The following CRPPA variants were observed in gnomAD, a reference collection of about 807,000 sequenced individuals.
CRPPA encodes CDP-L-ribitol pyrophosphorylase A, also known as D-ribitol-5-phosphate cytidylyltransferase.
In CRPPA, 43 loss-of-function variants were observed where a neutral mutation model predicts 52.0. The ratio of observed to expected loss-of-function variants is 0.83; its 90% CI spans 0.65 to 1.07. The LOEUF (loss-of-function observed/expected upper bound fraction) is 1.07, where lower values mean the gene tolerates loss of function less well. CRPPA is among the 50% of genes least tolerant of loss of function. The pLI is 0.00. For missense variants in CRPPA, 629 were observed against 551.7 expected (o/e 1.14, Z -1.40); for synonymous variants, 250 against 203.5 (o/e 1.23, Z -1.94).
At chr7:16,208,244 T>A (rs1369151715) in intron 9 of CRPPA, among the ~76,000 whole-genome samples, 1 of 152,158 alleles carries the variant, frequency 6.6e-6, no homozygotes, top group African/African-American at 2.4e-5. Flanking sequence ...GGTGAGGAAG[T>A]CTCACAAAAA....
intron 3 of CRPPA, among the ~76,000 whole-genome samples, chr7:16,338,540 A>C (rs1337262589): frequency 3.9e-5 from 6 of 151,958 alleles, no homozygotes; most frequent in Admixed American, 2.0e-4. Flanking sequence ...GCTAAGAAAA[A>C]AAGAGGGTAA....
At chr7:16,377,297 G>A (rs565275357) in intron 2 of CRPPA, among the ~76,000 whole-genome samples, 1 of 152,152 alleles carries the variant, frequency 6.6e-6, no homozygotes, top group African/African-American at 2.4e-5. Flanking sequence ...AGAGGAAGTA[G>A]TATCCAAATA....
At chr7:16,408,635 A>G (rs963912615) in intron 1 of CRPPA, among the ~76,000 whole-genome samples, 7 of 152,262 alleles carry the variant, frequency 4.6e-5, no homozygotes, top group Admixed American at 4.6e-4. Context: ...AGTTTTTGGT[A>G]AACATAATAA....
chr7:16,396,581 T>C (rs1023065862), intron 2 of CRPPA, among the ~76,000 whole-genome samples: 2 of 152,158 alleles, frequency 1.3e-5, no homozygotes, highest in Admixed American at 6.5e-5. Flanking sequence ...GGGTATCCAG[T>C]CTGAGGAAAA....
chr7:16,170,353 G>A lies in CRPPA; in HGVS notation c.1251+45713C>T, dbSNP rs11975621. Among the ~76,000 whole-genome samples the A allele has an allele frequency of 7.5e-3, 1,149 of 152,262 alleles. 19 individuals are homozygous for A. Among genetic ancestry groups the A allele is most frequent in the East Asian group, 0.024 (122 of 5,176 alleles). On this transcript the variant is annotated intron_variant, in intron 9 of 9. Transcript: ENST00000407010. ...TTCACTGACTTGCAAGAATTAAGCC[G>A]CAGACCCTCGCGGTGAGTGTTACAG...
At chr7:16,239,590 G>GAAAAAAA (rs1783052788) in intron 8 of CRPPA, among the ~76,000 whole-genome samples, 1 of 125,976 alleles carries the variant, frequency 7.9e-6, no homozygotes, top group African/African-American at 2.9e-5. Flanking sequence ...AAAAACTAGT[G>GAAAAAAA]AGAGAAGTTG....
At chr7:16,181,231 T>A (rs1490098157) in intron 9 of CRPPA, among the ~76,000 whole-genome samples, 1 of 151,956 alleles carries the variant, frequency 6.6e-6, no homozygotes, top group Non-Finnish European at 1.5e-5. Context: ...AATGTAATTA[T>A]TTTAAGAAAA....
At chr7:16,284,796 C>A (rs796199857) in intron 5 of CRPPA, among the ~76,000 whole-genome samples, 1 of 151,974 alleles carries the variant, frequency 6.6e-6, no homozygotes, top group Non-Finnish European at 1.5e-5. Context: ...AAGCATGCTG[C>A]ACTGACAATC....
At chr7:16,363,089 T>C (rs1786499932) in intron 3 of CRPPA, among the ~76,000 whole-genome samples, 1 of 152,138 alleles carries the variant, frequency 6.6e-6, no homozygotes, top group African/African-American at 2.4e-5. Flanking sequence ...GAAATTGAAA[T>C]GTTAATTATC....
At chr7:16,407,649 T>C (rs141696440) in intron 1 of CRPPA, among the ~76,000 whole-genome samples, 1 of 152,298 alleles carries the variant, frequency 6.6e-6, no homozygotes, top group Non-Finnish European at 1.5e-5. Flanking sequence ...CAGTAATGTC[T>C]CCTACCTCTT....
At chr7:16,258,815 G>A (rs1323033910) in intron 7 of CRPPA, 105 bp downstream of exon 7, 1 of 652,342 alleles carries the variant, frequency 1.5e-6, no homozygotes, top group Admixed American at 3.4e-5. Flanking sequence ...AAAATGTGTA[G>A]AAGAACTCAT....
chr7:16,144,738 C>T (rs184054785), intron 9 of CRPPA, among the ~76,000 whole-genome samples: 48 of 152,208 alleles, frequency 3.2e-4, no homozygotes, highest in African/African-American at 7.7e-4. Flanking sequence ...TAAATAAATG[C>T]GAGCGGGGCT....
At chr7:16,407,724 A>G (rs1271055495) in intron 1 of CRPPA, among the ~76,000 whole-genome samples, 1 of 152,202 alleles carries the variant, frequency 6.6e-6, no homozygotes, top group African/African-American at 2.4e-5. Flanking sequence ...AGAAGACTAC[A>G]CTGATGAACA....
intron 9 of CRPPA, among the ~76,000 whole-genome samples, chr7:16,185,589 T>A (rs369522702): frequency 6.6e-6 from 1 of 152,240 alleles, no homozygotes; most frequent in Non-Finnish European, 1.5e-5. Context: ...ACCAAGTTTA[T>A]ACTTTGGATG....
intron 9 of CRPPA, among the ~76,000 whole-genome samples, chr7:16,175,972 C>T (rs894753463): frequency 3.3e-5 from 5 of 152,006 alleles, no homozygotes; most frequent in African/African-American, 1.2e-4. Flanking sequence ...CTAAATGTAG[C>T]CTTAAAAGAC....
At chr7:16,343,201 CA>C (rs1785919548) in intron 3 of CRPPA, among the ~76,000 whole-genome samples, 1 of 151,994 alleles carries the variant, frequency 6.6e-6, no homozygotes. Flanking sequence ...TGATCAAAAT[CA>C]TTTTTTTTTA....
At chr7:16,176,048 T>A (rs1485491971) in intron 9 of CRPPA, among the ~76,000 whole-genome samples, 2 of 152,120 alleles carry the variant, frequency 1.3e-5, no homozygotes, top group African/African-American at 4.8e-5. Context: ...CTTTTTCTCT[T>A]ATGAAGAACT....
intron 8 of CRPPA, among the ~76,000 whole-genome samples, chr7:16,243,748 T>G (rs1162795445): frequency 3.9e-5 from 6 of 152,130 alleles, no homozygotes; most frequent in Non-Finnish European, 8.8e-5. Context: ...GAAAGATTGC[T>G]TGAGCTCAGG....
chr7:16,096,605 T>C (rs530709929), intron 9 of CRPPA, among the ~76,000 whole-genome samples: 1 of 152,246 alleles, frequency 6.6e-6, no homozygotes, highest in South Asian at 2.1e-4. Flanking sequence ...CATAACAGTG[T>C]CAATTTTGTT....
Sources: allele counts gnomAD v4.1 joint callset (sites outside exome capture counted in the v4.1 genomes callset), GRCh38; gene constraint gnomAD v4.1.1; transcripts MANE v1.5; gene names NCBI Gene and HGNC (gene_info 2026-07-23, HGNC 2026-07-21).